Variants in REDIC1 observed in about 807,000 individuals in gnomAD.
REDIC1 encodes regulator of DNA class I crossover intermediates 1.
the REDIC1 span, among the ~76,000 whole-genome samples, chr12:39,897,145 G>A: frequency 5.9e-5 from 9 of 152,138 alleles, no homozygotes; most frequent in Admixed American, 4.6e-4. Flanking sequence ...TCTAGAATAA[G>A]AGATTTATTC....
the REDIC1 span, among the ~76,000 whole-genome samples, chr12:39,730,361 A>C: frequency 2.0e-5 from 3 of 152,194 alleles, no homozygotes; most frequent in Non-Finnish European, 4.4e-5. Flanking sequence ...GGTGGTGACA[A>C]AAATTTTTCA....
the REDIC1 span, among the ~76,000 whole-genome samples, chr12:39,862,828 C>A: frequency 6.6e-6 from 1 of 152,130 alleles, no homozygotes; most frequent in Non-Finnish European, 1.5e-5. Flanking sequence ...TTCATCACCT[C>A]AAGCAATTGT....
the REDIC1 span, among the ~76,000 whole-genome samples, chr12:39,895,820 ATGTATATGCGTGTATATG>A: frequency 5.2e-5 from 3 of 57,178 alleles, 1 homozygote; most frequent in African/African-American, 2.0e-4. Flanking sequence ...ACGTACACAC[ATGTATATGCGTGTATATG>A]CACACACATA....
At chr12:39,647,933 C>A in the REDIC1 span, 1 of 1,599,386 alleles carries the variant, frequency 6.3e-7, no homozygotes, top group East Asian at 2.3e-5. Context: ...TGGAATAGCA[C>A]CTACTCCTCA....
At chr12:39,728,546 G>A in the REDIC1 span, among the ~76,000 whole-genome samples, 1 of 152,148 alleles carries the variant, frequency 6.6e-6, no homozygotes, top group Non-Finnish European at 1.5e-5. Context: ...GATTTGGTTT[G>A]CCGGTATTTA....
the REDIC1 span, among the ~76,000 whole-genome samples, chr12:39,743,762 C>G: frequency 6.6e-6 from 1 of 151,898 alleles, no homozygotes; most frequent in African/African-American, 2.4e-5. Flanking sequence ...GAGGGTATGT[C>G]AATAGAAACT....
At chr12:39,825,327 C>A in the REDIC1 span, among the ~76,000 whole-genome samples, 1 of 152,076 alleles carries the variant, frequency 6.6e-6, no homozygotes, top group Non-Finnish European at 1.5e-5. Flanking sequence ...AAAAAAAATT[C>A]TAATGCCTGA....
At chr12:39,765,071 C>CACCG in the REDIC1 span, among the ~76,000 whole-genome samples, 1 of 151,994 alleles carries the variant, frequency 6.6e-6, no homozygotes, top group African/African-American at 2.4e-5. Context: ...AAAACAAAGA[C>CACCG]ACCGTGTTTT....
chr12:39,898,124 G>GT, the REDIC1 span, among the ~76,000 whole-genome samples: 1 of 152,088 alleles, frequency 6.6e-6, no homozygotes, highest in Non-Finnish European at 1.5e-5. Context: ...AAGCCTTCTG[G>GT]TGAACATACA....
At chr12:39,800,204 TG>T in the REDIC1 span, among the ~76,000 whole-genome samples, 1 of 152,176 alleles carries the variant, frequency 6.6e-6, no homozygotes, top group Non-Finnish European at 1.5e-5. Flanking sequence ...GGTGCTGACG[TG>T]CTTTGAATGA....
chr12:39,735,002 T>C, the REDIC1 span, among the ~76,000 whole-genome samples: 1 of 152,258 alleles, frequency 6.6e-6, no homozygotes, highest in Non-Finnish European at 1.5e-5. Context: ...AGGTTTTCTC[T>C]AATTTATTGC....
the REDIC1 span, among the ~76,000 whole-genome samples, chr12:39,649,183 C>T: frequency 1.3e-5 from 2 of 151,822 alleles, no homozygotes; most frequent in Middle Eastern, 3.4e-3. Context: ...TTATGCTTAA[C>T]ATGGTAAAAG....
chr12:39,631,607 A>G, the REDIC1 span, among the ~76,000 whole-genome samples: 2,690 of 152,292 alleles, frequency 0.018, 74 homozygotes, highest in African/African-American at 0.06. Flanking sequence ...ATGGAATGAC[A>G]AAGAGTACTT....
the REDIC1 span, among the ~76,000 whole-genome samples, chr12:39,675,320 T>G: frequency 6.6e-6 from 1 of 151,518 alleles, no homozygotes; most frequent in Non-Finnish European, 1.5e-5. Context: ...CTTACCTGAT[T>G]TTTTTTTTCC....
the REDIC1 span, chr12:39,830,271 T>C: frequency 1.3e-6 from 2 of 1,597,962 alleles, no homozygotes; most frequent in African/African-American, 1.3e-5. Context: ...CAGAGACAAC[T>C]GGTGCTCACC....
the REDIC1 span, among the ~76,000 whole-genome samples, chr12:39,763,978 AG>A: frequency 1.6e-4 from 25 of 152,128 alleles, no homozygotes; most frequent in Non-Finnish European, 3.7e-4. Context: ...ATACAGTGGA[AG>A]GTATGGCCAC....
At chr12:39,840,713 G>A in the REDIC1 span, among the ~76,000 whole-genome samples, 5 of 151,850 alleles carry the variant, frequency 3.3e-5, no homozygotes, top group East Asian at 3.9e-4. Context: ...ATCACAAAAC[G>A]CTCATATTAT....
the REDIC1 span, among the ~76,000 whole-genome samples, chr12:39,902,926 T>A: frequency 6.6e-6 from 1 of 152,156 alleles, no homozygotes; most frequent in African/African-American, 2.4e-5. Context: ...TTATTCCCTG[T>A]TGAGTTGCAC....
At chr12:39,629,234 A>G in the REDIC1 span, among the ~76,000 whole-genome samples, 1 of 152,208 alleles carries the variant, frequency 6.6e-6, no homozygotes, top group African/African-American at 2.4e-5. Flanking sequence ...GAGAAAGATG[A>G]GTTGGAAGGG....
Sources: gnomAD v4.1 joint callset for allele counts (sites outside exome capture counted in the v4.1 genomes callset) on GRCh38, gnomAD v4.1.1 for gene constraint, MANE v1.5 for transcripts, NCBI Gene and HGNC (gene_info 2026-07-23, HGNC 2026-07-21) for gene names.